JAZF1: variants seen among roughly 807,000 people sequenced by gnomAD.
JAZF1 encodes the protein JAZF zinc finger 1.
JAZF1 carries 8 observed loss-of-function variants against 26.4 expected under a neutral mutation model. That is an observed-to-expected ratio of 0.30 (90% CI 0.18 to 0.55). JAZF1 has a LOEUF of 0.55. Among genes scored for constraint, JAZF1 ranks in the 20% least tolerant of loss-of-function variants. The pLI, the probability that JAZF1 is intolerant of heterozygous loss-of-function variation, is 0.94. For synonymous variants in JAZF1, 126 were observed against 122.3 expected, an observed-to-expected ratio of 1.03 and a Z score of -0.20; for missense variants, 199 against 322.0, an observed-to-expected ratio of 0.62 and a Z score of 2.92.
intron 1 of JAZF1, among the ~76,000 whole-genome samples, chr7:28,107,165 C>CAT (rs1334509175): frequency 1.3e-5 from 2 of 152,228 alleles, no homozygotes; most frequent in Non-Finnish European, 2.9e-5. Context: ...GTCCCTCAAA[C>CAT]ACCAACCAAT....
At chr7:28,058,440 A>G (rs567583041) in intron 1 of JAZF1, among the ~76,000 whole-genome samples, 1 of 152,248 alleles carries the variant, frequency 6.6e-6, no homozygotes, top group African/African-American at 2.4e-5. Flanking sequence ...AGCATTCTGG[A>G]GAACCAAGGC....
chr7:28,121,530 G>T (rs76587488), intron 1 of JAZF1, among the ~76,000 whole-genome samples: 1 of 152,052 alleles, frequency 6.6e-6, no homozygotes, highest in Non-Finnish European at 1.5e-5. Flanking sequence ...TCCACTATTC[G>T]TATGACACTC....
At chr7:28,109,787 G>A (rs956206144) in intron 1 of JAZF1, among the ~76,000 whole-genome samples, 5 of 152,152 alleles carry the variant, frequency 3.3e-5, no homozygotes, top group African/African-American at 7.2e-5. Flanking sequence ...GAGAGACTGC[G>A]GGGATGGAGG....
chr7:27,866,191 C>T (rs185089793), intron 3 of JAZF1, among the ~76,000 whole-genome samples: 7 of 152,328 alleles, frequency 4.6e-5, no homozygotes, highest in Admixed American at 4.6e-4. Context: ...ATATTTTGTA[C>T]TTAGTAATTT....
At chr7:28,133,104 T>C (rs1293140458) in intron 1 of JAZF1, among the ~76,000 whole-genome samples, 2 of 152,246 alleles carry the variant, frequency 1.3e-5, no homozygotes, top group Non-Finnish European at 2.9e-5. Context: ...ATTACTCATC[T>C]TTATTTTACC....
intron 2 of JAZF1, among the ~76,000 whole-genome samples, chr7:27,971,975 T>C (rs989878057): frequency 1.3e-5 from 2 of 152,216 alleles, no homozygotes; most frequent in African/African-American, 2.4e-5. Flanking sequence ...ATCCCATATA[T>C]ATTTATTGAG....
At chr7:27,846,278 G>A (rs1783028719) in intron 3 of JAZF1, among the ~76,000 whole-genome samples, 1 of 151,924 alleles carries the variant, frequency 6.6e-6, no homozygotes, top group Non-Finnish European at 1.5e-5. Flanking sequence ...CAAATAGTAG[G>A]ATCTCCTTTT....
chr7:27,891,822 T>C (rs1439350605), intron 3 of JAZF1, among the ~76,000 whole-genome samples: 1 of 152,140 alleles, frequency 6.6e-6, no homozygotes, highest in African/African-American at 2.4e-5. Context: ...GATAGAGTGA[T>C]ACAGTAAGAC....
chr7:27,916,298 T>A (rs186741003), intron 2 of JAZF1, among the ~76,000 whole-genome samples: 44 of 152,314 alleles, frequency 2.9e-4, no homozygotes, highest in African/African-American at 7.7e-4. Context: ...TGGAATTTTT[T>A]TTCTCCTTCA....
At chr7:28,156,029 T>C (rs1475955727) in intron 1 of JAZF1, among the ~76,000 whole-genome samples, 3 of 152,236 alleles carry the variant, frequency 2.0e-5, no homozygotes, top group Non-Finnish European at 2.9e-5. Flanking sequence ...ACACCCTTGA[T>C]AGATACCTTA....
intron 1 of JAZF1, among the ~76,000 whole-genome samples, chr7:28,007,754 G>C (rs890747427): frequency 6.6e-6 from 1 of 152,036 alleles, no homozygotes; most frequent in Non-Finnish European, 1.5e-5. Flanking sequence ...TTTTTAAAAA[G>C]ACTTAAAAAT....
At chr7:28,093,218 A>T (rs1784330910) in intron 1 of JAZF1, among the ~76,000 whole-genome samples, 1 of 152,116 alleles carries the variant, frequency 6.6e-6, no homozygotes, top group South Asian at 2.1e-4. Flanking sequence ...ATGTTGTGGG[A>T]GGGACCAGGT....
intron 1 of JAZF1, among the ~76,000 whole-genome samples, chr7:28,155,769 ATGTG>A (rs1783172972): frequency 6.6e-6 from 1 of 152,214 alleles, no homozygotes; most frequent in South Asian, 2.1e-4. Context: ...CACAGAATGT[ATGTG>A]TGTGTCTGTG....
At chr7:27,888,019 T>C (rs1783899217) in intron 3 of JAZF1, among the ~76,000 whole-genome samples, 1 of 152,168 alleles carries the variant, frequency 6.6e-6, no homozygotes, top group Non-Finnish European at 1.5e-5. Context: ...AAATAAACTG[T>C]AGGCCAGGAA....
chr7:28,083,759 C>G (rs989117426), intron 1 of JAZF1, among the ~76,000 whole-genome samples: 1 of 151,824 alleles, frequency 6.6e-6, no homozygotes, highest in East Asian at 2.0e-4. Flanking sequence ...AAGCCTTGTC[C>G]GCTGACCCAG....
At chr7:27,945,458 T>C (rs115480341) in intron 2 of JAZF1, among the ~76,000 whole-genome samples, 4,950 of 152,240 alleles carry the variant, frequency 0.033, 278 homozygotes, top group African/African-American at 0.11. Context: ...GCCTTGTGTG[T>C]CCCTAAAATC....
intron 1 of JAZF1, among the ~76,000 whole-genome samples, chr7:28,010,668 A>G (rs1028431788): frequency 1.3e-5 from 2 of 152,232 alleles, no homozygotes; most frequent in African/African-American, 4.8e-5. Context: ...TATATTAAAA[A>G]GATAGATTAC....
At chr7:27,920,679 C>A (rs1010499307) in intron 2 of JAZF1, among the ~76,000 whole-genome samples, 1 of 152,224 alleles carries the variant, frequency 6.6e-6, no homozygotes, top group Non-Finnish European at 1.5e-5. Flanking sequence ...GCTGTCTGAT[C>A]TGCCTCAGTA....
intron 1 of JAZF1, among the ~76,000 whole-genome samples, chr7:28,161,744 G>C (rs553907023): frequency 6.6e-6 from 1 of 152,176 alleles, no homozygotes; most frequent in Admixed American, 6.5e-5. Flanking sequence ...CTGCTAACTA[G>C]CTATAAAAAC....
Sources: gnomAD v4.1 joint callset for allele counts (sites outside exome capture counted in the v4.1 genomes callset) on GRCh38, gnomAD v4.1.1 for gene constraint, MANE v1.5 for transcripts, NCBI Gene and HGNC (gene_info 2026-07-23, HGNC 2026-07-21) for gene names.